The following SYTL2 variants were observed in gnomAD, a reference collection of about 807,000 sequenced individuals.
SYTL2 encodes synaptotagmin like 2.
A neutral mutation model predicts 198.7 loss-of-function variants in SYTL2; 165 were observed. The ratio of observed to expected loss-of-function variants is 0.83; its 90% CI spans 0.73 to 0.94. The LOEUF is 0.94. Ranked by LOEUF, SYTL2 falls within the 40% of genes least tolerant of loss-of-function variation. The pLI is 0.00. For missense variants in SYTL2, 2,835 were observed against 2,582.8 expected (o/e 1.10, Z -2.12); for synonymous variants, 966 against 917.7 (o/e 1.05, Z -0.95).
chr11:85,723,020 A>C lies in SYTL2; in HGVS notation c.5326+1012T>G, dbSNP rs1011552036. Among the ~76,000 whole-genome samples the C allele has an allele frequency of 2.6e-5, 4 of 152,344 alleles. No homozygotes were observed. The East Asian group carries it at 7.7e-4, about 29-fold the overall frequency. ...AATTCTACTAAACTACAAGGAAGGC[A>C]ATCAGCATCAGTTGTGCAACTTTGG... is the stretch of plus-strand genomic sequence containing the variant. On this transcript the variant is annotated intron_variant, in intron 8 of 19. Transcript: ENST00000359152.
chr11:85,836,773 T>C, the SYTL2 span, among the ~76,000 whole-genome samples: 2 of 152,226 alleles, frequency 1.3e-5, no homozygotes, highest in African/African-American at 4.8e-5. Flanking sequence ...ATACTTAGTA[T>C]ACTTTATGCC....
At chr11:85,715,682 T>C (rs953209532) in intron 11 of SYTL2, among the ~76,000 whole-genome samples, 1 of 152,120 alleles carries the variant, frequency 6.6e-6, no homozygotes, top group African/African-American at 2.4e-5. Context: ...TAAATGCACA[T>C]CAGAATGCAT....
chr11:85,723,775 A>T (rs2088695638), intron 8 of SYTL2, among the ~76,000 whole-genome samples: 2 of 151,982 alleles, frequency 1.3e-5, no homozygotes, highest in Non-Finnish European at 1.5e-5. Context: ...AATATAAATA[A>T]TTTTTTTAAT....
chr11:85,837,985 T>C, the SYTL2 span, among the ~76,000 whole-genome samples: 1 of 152,278 alleles, frequency 6.6e-6, no homozygotes, highest in Middle Eastern at 3.4e-3. Flanking sequence ...ACAAATGTTA[T>C]AGAACGTTTA....
upstream of SYTL2, among the ~76,000 whole-genome samples, chr11:85,811,483 G>A (rs2093033203): frequency 6.6e-6 from 1 of 152,142 alleles, no homozygotes. Flanking sequence ...CTTGGAGCCC[G>A]AGAGTGTGGA....
intron 9 of SYTL2, among the ~76,000 whole-genome samples, chr11:85,719,969 A>T (rs1335408362): frequency 6.6e-6 from 1 of 152,222 alleles, no homozygotes; most frequent in Non-Finnish European, 1.5e-5. Flanking sequence ...TCTTATGACC[A>T]TCTGCAATCC....
chr11:85,720,758 G>A (rs981623678), intron 9 of SYTL2, 100 bp downstream of exon 9: 3 of 762,614 alleles, frequency 3.9e-6, no homozygotes, highest in Non-Finnish European at 2.3e-6. Context: ...CCCCATTAGA[G>A]GGTGCAGTGC....
intron 16 of SYTL2, among the ~76,000 whole-genome samples, chr11:85,703,023 T>G: frequency 6.6e-6 from 1 of 152,150 alleles, no homozygotes; most frequent in East Asian, 1.9e-4. Flanking sequence ...TTGTAGATGG[T>G]TTTAACAACA....
chr11:85,777,738 T>G (rs940127137), intron 1 of SYTL2, among the ~76,000 whole-genome samples: 1 of 148,126 alleles, frequency 6.8e-6, no homozygotes, highest in African/African-American at 2.5e-5. Context: ...AGAGTAGGCT[T>G]CAGACACAAG....
At chr11:85,827,043 G>A in the SYTL2 span, among the ~76,000 whole-genome samples, 1 of 152,226 alleles carries the variant, frequency 6.6e-6, no homozygotes, top group Non-Finnish European at 1.5e-5. Flanking sequence ...CATAGTCTCA[G>A]GGAGATCAGC....
At chr11:85,781,291 A>G (rs2092555659) in intron 1 of SYTL2, among the ~76,000 whole-genome samples, 1 of 152,130 alleles carries the variant, frequency 6.6e-6, no homozygotes, top group African/African-American at 2.4e-5. Flanking sequence ...TCTTGTAAGA[A>G]CTGACTCACT....
At chr11:85,733,546 A>C (rs1051174406) in intron 7 of SYTL2, 1 of 157,380 alleles carries the variant, frequency 6.4e-6, no homozygotes, top group Admixed American at 6.2e-5. Context: ...GGGCTTCTAC[A>C]GGACTAGCTG....
chr11:85,824,076 G>C, the SYTL2 span, among the ~76,000 whole-genome samples: 1 of 152,210 alleles, frequency 6.6e-6, no homozygotes, highest in South Asian at 2.1e-4. Flanking sequence ...CTGAGTGCGG[G>C]TGAGTGCAAA....
At chr11:85,711,557 C>G (rs2086286648) in intron 12 of SYTL2, among the ~76,000 whole-genome samples, 1 of 152,100 alleles carries the variant, frequency 6.6e-6, no homozygotes, top group Non-Finnish European at 1.5e-5. Flanking sequence ...ATTTATTTGC[C>G]TGGGGAACTC....
At chr11:85,766,733 A>G (rs1284381912) in intron 1 of SYTL2, among the ~76,000 whole-genome samples, 1 of 152,302 alleles carries the variant, frequency 6.6e-6, no homozygotes, top group East Asian at 1.9e-4. Flanking sequence ...TCTGGAAAGG[A>G]GGGCAGATAC....
Position 85,727,196 on chromosome 11 carries a change from T to C in SYTL2, c.2162A>G (p.Lys721Arg), listed in dbSNP as rs1168229689. The stretch of plus-strand genomic sequence containing the variant: ...CATGTTATCTTTCAAACCTGGTTCT[T>C]TGACAACTGTTGAAGAGTCAAAATT... ...EVNFDSSTVV[K>R]EPGLKDNMNA... The change falls in exon 8 of 20, where the codon AAA becomes AGA. Residue 721 changes from lysine to arginine, a missense_variant. By Grantham distance (26) the Lys-to-Arg change is conservative. Transcript: ENST00000359152. 70 of 1,536,390 alleles carry C rather than the reference T, an allele frequency of 4.6e-5. No homozygotes were observed. Among genetic ancestry groups the C allele is most frequent in the Non-Finnish European group, 6.0e-5 (69 of 1,146,988 alleles).
At position 85,724,323 on chromosome 11, in the gene SYTL2, C is replaced by T. The variant is rs1480213547; in HGVS notation, c.5035G>A (p.Val1679Ile). 1.8e-5 allele frequency: 28 copies of T among 1,580,170 alleles called. No homozygotes were observed. Among genetic ancestry groups the T allele is most frequent in the Non-Finnish European group, 2.4e-5 (28 of 1,166,154 alleles). Reference protein sequence around the residue: ...VAHEIGTIKTVTPPEDRDSES... With the variant: ...VAHEIGTIKTITPPEDRDSES... ...CTGTCCCTGTCCTCTGGGGGGGTTA[C>T]AGTTTTAATGGTCCCTATTTCATGA... The change falls in exon 8 of 20, where the codon GTA (valine) becomes ATA (isoleucine). Residue 1679 changes from valine to isoleucine, a missense_variant. Physicochemically the swap from Val to Ile is conservative, Grantham distance 29. Coordinates refer to ENST00000359152, the MANE Select transcript of SYTL2 (RefSeq NM_206927.4).
chr11:85,836,419 T>C, the SYTL2 span, among the ~76,000 whole-genome samples: 5 of 152,158 alleles, frequency 3.3e-5, no homozygotes, highest in Non-Finnish European at 5.9e-5. Context: ...CATGTTTAAC[T>C]GGAAATCTCT....
intron 1 of SYTL2, among the ~76,000 whole-genome samples, chr11:85,792,049 C>G (rs1290003916): frequency 1.3e-5 from 2 of 151,958 alleles, no homozygotes; most frequent in Admixed American, 6.6e-5. Context: ...TTACTACATA[C>G]AAAATTTGGG....
Sources: allele counts gnomAD v4.1 joint callset (sites outside exome capture counted in the v4.1 genomes callset), GRCh38; gene constraint gnomAD v4.1.1; transcripts MANE v1.5; gene names NCBI Gene and HGNC (gene_info 2026-07-23, HGNC 2026-07-21).